Variants in HMG20B observed in about 807,000 individuals in gnomAD.
HMG20B encodes the protein SWI/SNF-related matrix-associated actin-dependent regulator of chromatin subfamily E member 1-related.
A neutral mutation model predicts 41.6 loss-of-function variants in HMG20B; 24 were observed. The observed-to-expected ratio is 0.58, with a 90% CI of 0.42 to 0.81. The LOEUF (loss-of-function observed/expected upper bound fraction) is 0.81. Among genes scored for constraint, HMG20B ranks in the 30% least tolerant of loss-of-function variants. HMG20B has a pLI of 0.00. For synonymous variants in HMG20B, 251 were observed against 186.6 expected, an observed-to-expected ratio of 1.34 and a Z score of -2.81; for missense variants, 461 against 444.0, an observed-to-expected ratio of 1.04 and a Z score of -0.34.
Position 3,577,959 on chromosome 19 carries a change from G to A in HMG20B, c.809-22G>A, listed in dbSNP as rs750831678. 8.3e-6 allele frequency: 13 copies of A among 1,567,470 alleles called. No homozygotes were observed. In the African/African-American group the frequency reaches 1.8e-4, roughly 21 times the overall value. On this transcript the variant is annotated intron_variant, in intron 8 of 9. Transcript: ENST00000333651. ...CCGCGACTCCCCGGCACCCTCGCCT[G>A]ACCTTCCCGCCTGTCCCCCAGGCAC...
intron 8 of HMG20B, among the ~76,000 whole-genome samples, chr19:3,577,495 C>T (rs1365569450): frequency 7.0e-6 from 1 of 143,744 alleles, no homozygotes; most frequent in African/African-American, 2.6e-5. Context: ...CCCCACCGCT[C>T]CCTACCGGCC....
intron 4 of HMG20B, among the ~76,000 whole-genome samples, chr19:3,574,804 C>T (rs1265958514): frequency 2.6e-5 from 4 of 152,012 alleles, no homozygotes; most frequent in Non-Finnish European, 5.9e-5. Flanking sequence ...CTGCAACCTC[C>T]GCCTCCCGGC....
intron 8 of HMG20B, among the ~76,000 whole-genome samples, chr19:3,577,460 C>A (rs1365183105): frequency 6.8e-6 from 1 of 147,620 alleles, no homozygotes; most frequent in Non-Finnish European, 1.5e-5. Context: ...CTCCCGCAGC[C>A]CCTTTGTGCC....
At chr19:3,576,074 T>C in intron 5 of HMG20B, 187 bp from the exon 6 acceptor site, 1 of 619,178 alleles carries the variant, frequency 1.6e-6, no homozygotes, top group Non-Finnish European at 2.9e-6. Context: ...TCCCGTGGGT[T>C]GGGCGGGGGA....
At chr19:3,576,766 G>T in intron 7 of HMG20B, 126 bp from the exon 8 acceptor site, 1 of 1,268,678 alleles carries the variant, frequency 7.9e-7, no homozygotes, top group Non-Finnish European at 1.1e-6. Context: ...TCGCTCCAGA[G>T]GCTGATGTGG....
Position 3,573,399 on chromosome 19 carries a change from C to T in HMG20B, c.38+52C>T. ...CCCTCGCTACTTTCCCGGCTGCAGC[C>T]CTAGCTCCTGAACCCCTGACCCAGT... On this transcript the variant is annotated intron_variant, in intron 2 of 9. Transcript: ENST00000333651. 11 of 1,478,180 alleles carry T rather than the reference C, an allele frequency of 7.4e-6. No individual in the cohort carries two copies. The South Asian group carries it at 1.3e-4, about 17-fold the overall frequency. 91.6% of individuals were successfully genotyped at this position (1,478,180 alleles called of 1,614,324 possible). A position where few individuals can be genotyped will look rare whatever the true frequency, so the allele number is the denominator to read the frequency against.
chr19:3,575,948 A>C, intron 5 of HMG20B: 1 of 479,702 alleles, frequency 2.1e-6, no homozygotes, highest in Non-Finnish European at 3.7e-6. Context: ...CGTCTCAAAA[A>C]AAAAAAAAAA....
At chr19:3,573,588 C>A (rs1464405043) in intron 2 of HMG20B, 104 bp from the exon 3 acceptor site, 2 of 1,102,856 alleles carry the variant, frequency 1.8e-6, no homozygotes, top group East Asian at 2.9e-5. Context: ...GGCTCATGCA[C>A]TCTCGCTGCA....
intron 5 of HMG20B, 177 bp downstream of exon 5, chr19:3,575,837 G>T (rs1010477737): frequency 3.6e-6 from 2 of 560,178 alleles, no homozygotes; most frequent in Non-Finnish European, 6.3e-6. Context: ...CCAGCTACTC[G>T]GGAGGCTGAG....
At chr19:3,573,473 C>A in intron 2 of HMG20B, 126 bp downstream of exon 2, 1 of 1,093,280 alleles carries the variant, frequency 9.1e-7, no homozygotes, top group Non-Finnish European at 1.3e-6. Context: ...GGGGCTTCTC[C>A]CTCCACCCAA....
Position 3,576,601 on chromosome 19 carries a change from G to T in HMG20B, c.568G>T (p.Glu190Ter). ...FSTFDVPIFT[E>*]EFLDQNKARE... is the part of the protein sequence containing the mutation. Reference sequence around the variant, plus strand: ...CACCTTCGATGTTCCCATCTTCACTGAAGAGTTCTTGGACCAAAACAAAGG... The same window carrying T: ...CACCTTCGATGTTCCCATCTTCACTTAAGAGTTCTTGGACCAAAACAAAGG... The change falls in exon 7 of 10, where the codon GAA (glutamate) becomes TAA (stop). Residue 190 changes from glutamate (E) to a stop codon, truncating the protein, a stop_gained. Coordinates refer to ENST00000333651, the MANE Select transcript of HMG20B (RefSeq NM_006339.3). LOFTEE classifies it high-confidence loss of function. 6.2e-7 allele frequency: 1 copy of T among 1,613,580 alleles called. No homozygotes were observed. Among genetic ancestry groups the T allele is most frequent in the Non-Finnish European group, 8.5e-7 (1 of 1,179,730 alleles).
Position 3,577,164 on chromosome 19 carries a change from C to T in HMG20B, c.808+57C>T, listed in dbSNP as rs774215535. The T allele has an allele frequency of 3.2e-5, 35 of 1,109,346 alleles. No homozygotes were observed. The South Asian group carries it at 4.7e-4, about 15-fold the overall frequency. The allele number at this position is 1,109,346 out of a possible 1,614,324, so 68.7% of individuals were successfully genotyped here. ...CCGGTCACCCGGCCCCGCCCGCCTC[C>T]CCCCCCCTCCTCCCTTCCCCCCTTC... On this transcript the variant is annotated intron_variant, in intron 8 of 9. Coordinates refer to ENST00000333651, the MANE Select transcript of HMG20B (RefSeq NM_006339.3).
chr19:3,575,678 C>G lies in HMG20B; in HGVS notation c.472+18C>G, dbSNP rs1245240961. 6.5e-7 allele frequency: 1 copy of G among 1,543,432 alleles called. No homozygotes were observed. Among genetic ancestry groups the G allele is most frequent in the Non-Finnish European group, 8.7e-7 (1 of 1,143,864 alleles). On this transcript the variant is annotated intron_variant, in intron 5 of 9. Transcript: ENST00000333651. Reference sequence around the variant, plus strand: ...CAAGAAAGGTGGGAGGGGTCGGGCGCGGTGGCTCACGCCTGTCATCCCAGC... The same window carrying G: ...CAAGAAAGGTGGGAGGGGTCGGGCGGGGTGGCTCACGCCTGTCATCCCAGC...
intron 8 of HMG20B, among the ~76,000 whole-genome samples, 152 bp from the exon 9 acceptor site, chr19:3,577,829 C>T (rs548061884): frequency 1.3e-5 from 2 of 151,828 alleles, no homozygotes; most frequent in South Asian, 4.2e-4. Flanking sequence ...CCCGGCTTAC[C>T]TTAGCCCACC....
chr19:3,575,596 G>C lies in HMG20B; in HGVS notation c.408G>C (p.Ala136=), dbSNP rs774583445. 1.9e-5 allele frequency: 29 copies of C among 1,554,462 alleles called. No individual in the cohort carries two copies. In the Admixed American group the frequency reaches 4.7e-4, roughly 25 times the overall value. Residue 136 remains alanine (A), a synonymous_variant, in exon 5 of 10, where the codon GCG becomes GCC. Coordinates refer to ENST00000333651, the MANE Select transcript of HMG20B (RefSeq NM_006339.3). ...AGCAGTACATGAAGGAGCTGCGGGC[G>C]TACCAGCAGTCTGAAGCCTATAAGA... ...EKQQYMKELR[A]YQQSEAYKMC... is the part of the protein sequence containing the mutation.
intron 1 of HMG20B, 66 bp downstream of exon 1, chr19:3,573,060 C>T: frequency 2.2e-6 from 1 of 461,080 alleles, no homozygotes; most frequent in East Asian, 3.6e-5. Flanking sequence ...CAGGGCCGGG[C>T]CGGGGTCTTT....
At chr19:3,576,440 T>TGATTGTACTCCCACCGGGGTGTCCCAGGA in intron 6 of HMG20B, 113 bp from the exon 7 acceptor site, 1 of 1,332,656 alleles carries the variant, frequency 7.5e-7, no homozygotes, top group Non-Finnish European at 1.1e-6. Context: ...GGATCGCTGT[T>TGATTGTACTCCCACCGGGGTGTCCCAGGA]GATTGTACTC....
intron 2 of HMG20B, 24 bp downstream of exon 2, chr19:3,573,371 A>G: frequency 6.6e-7 from 1 of 1,514,204 alleles, no homozygotes; most frequent in Non-Finnish European, 8.8e-7. Context: ...TCCCCTCCCC[A>G]CGCCCTCGCT....
chr19:3,575,086 G>A (rs1041331782), intron 4 of HMG20B, among the ~76,000 whole-genome samples: 3 of 152,180 alleles, frequency 2.0e-5, no homozygotes, highest in Admixed American at 6.5e-5. Context: ...GACCAACAAA[G>A]ATATGTCTAA....
Sources: allele counts gnomAD v4.1 joint callset (sites outside exome capture counted in the v4.1 genomes callset), GRCh38; gene constraint gnomAD v4.1.1; transcripts MANE v1.5; gene names NCBI Gene and HGNC (gene_info 2026-07-23, HGNC 2026-07-21).